UBR3: variants seen among roughly 807,000 people sequenced by gnomAD.
The protein encoded by UBR3 is ubiquitin protein ligase E3 component n-recognin 3, also known as E3 ubiquitin-protein ligase UBR3.
Under a neutral mutation model 243.2 loss-of-function variants are expected in UBR3, and 85 were observed. That is an observed-to-expected ratio of 0.35 (90% confidence interval 0.29 to 0.42). UBR3 has a LOEUF of 0.42. Among genes scored for constraint, UBR3 ranks in the 10% least tolerant of loss-of-function variants. The pLI is 1.00. For missense variants in UBR3, 1,686 were observed against 2,300.8 expected, an observed-to-expected ratio of 0.73 and a Z score of 5.47; for synonymous variants, 748 against 799.8, an observed-to-expected ratio of 0.94 and a Z score of 1.09.
In UBR3 at chr2:169,870,664, T is replaced by A. The variant is rs527545870; in HGVS notation, c.546-1572T>A. 7.0e-4 allele frequency among the ~76,000 whole-genome samples: 107 copies of A among 152,200 alleles called. 1 individual carries two copies. Among genetic ancestry groups the A allele is most frequent in the African/African-American group, 1.5e-3 (63 of 41,554 alleles). ...ACTGTCTTTTATTATTATTATTATT[T>A]TTTTTTTGAGACAGACTGTCACTTA... On this transcript the variant is annotated intron_variant, in intron 1 of 38. Transcript: ENST00000272793.
chr2:170,058,206 C>T (rs1399925318), intron 33 of UBR3, among the ~76,000 whole-genome samples: 1 of 152,088 alleles, frequency 6.6e-6, no homozygotes, highest in Non-Finnish European at 1.5e-5. Context: ...TTCCTTTCTT[C>T]ATTGAATTTC....
intron 23 of UBR3, 77 bp from the exon 24 acceptor site, chr2:169,958,361 C>T: frequency 7.7e-7 from 1 of 1,307,134 alleles, no homozygotes. Context: ...GCTTTTCATA[C>T]ATTATATACT....
At chr2:169,927,258 AG>A in intron 16 of UBR3, 61 bp from the exon 17 acceptor site, 3 of 1,410,956 alleles carry the variant, frequency 2.1e-6, no homozygotes, top group African/African-American at 2.9e-5. Context: ...AAGTGTGGTA[AG>A]TTTTTTTCTT....
At chr2:170,045,440 G>A (rs1339871668) in intron 32 of UBR3, among the ~76,000 whole-genome samples, 1 of 152,062 alleles carries the variant, frequency 6.6e-6, no homozygotes, top group African/African-American at 2.4e-5. Flanking sequence ...CTGTTCTTGA[G>A]GAGCTTCACA....
chr2:169,994,417 T>C lies in UBR3; in HGVS notation c.3879T>C (p.His1293=), dbSNP rs2089406907. The change falls in exon 26 of 39, where the codon CAT becomes CAC. Residue 1293 remains histidine (H), a synonymous_variant. Coordinates refer to ENST00000272793, the MANE Select transcript of UBR3 (RefSeq NM_172070.4). ...CTTGGGATACCTGTGCAGCCGTTCA[T>C]GATGTGAGGCTTTCATTATTACAGC... ...IYPWDTCAAV[H]DVRLSLLQRY... 6.2e-7 allele frequency: 1 copy of C among 1,614,210 alleles called. No individual in the cohort carries two copies. Among genetic ancestry groups the C allele is most frequent in the Non-Finnish European group, 8.5e-7 (1 of 1,180,020 alleles).
chr2:169,989,922 A>C (rs1032570558), intron 25 of UBR3, among the ~76,000 whole-genome samples: 2 of 152,178 alleles, frequency 1.3e-5, no homozygotes, highest in Admixed American at 6.5e-5. Flanking sequence ...AGTAGTAAGT[A>C]GCCTTGGGTC....
intron 26 of UBR3, among the ~76,000 whole-genome samples, chr2:169,998,005 C>T (rs2089560495): frequency 6.6e-6 from 1 of 152,206 alleles, no homozygotes; most frequent in African/African-American, 2.4e-5. Context: ...CCCTGTCTGT[C>T]TAGGAATTTG....
At chr2:169,878,084 G>T (rs549513906) in intron 4 of UBR3, among the ~76,000 whole-genome samples, 9 of 152,210 alleles carry the variant, frequency 5.9e-5, no homozygotes, top group Admixed American at 5.2e-4. Context: ...TGGAGGCTGG[G>T]CACGGAGGCT....
At chr2:170,047,954 T>A (rs1056212214) in intron 32 of UBR3, among the ~76,000 whole-genome samples, 3 of 151,906 alleles carry the variant, frequency 2.0e-5, no homozygotes, top group African/African-American at 7.3e-5. Context: ...TTATTTTACT[T>A]AATAATGGCC....
At chr2:169,897,234 G>C (rs1336780057) in intron 8 of UBR3, among the ~76,000 whole-genome samples, 1 of 151,952 alleles carries the variant, frequency 6.6e-6, no homozygotes, top group Non-Finnish European at 1.5e-5. Flanking sequence ...ATCAGTCTTA[G>C]ATATTTTTAC....
chr2:169,957,007 T>C (rs1327481829), intron 23 of UBR3, among the ~76,000 whole-genome samples: 1 of 152,196 alleles, frequency 6.6e-6, no homozygotes, highest in Non-Finnish European at 1.5e-5. Context: ...ACAAAGGACA[T>C]CAGTTCCTCT....
At chr2:169,926,052 C>A (rs1402996896) in intron 14 of UBR3, among the ~76,000 whole-genome samples, 1 of 152,156 alleles carries the variant, frequency 6.6e-6, no homozygotes, top group Non-Finnish European at 1.5e-5. Flanking sequence ...ATAATTCCAG[C>A]AGGCTTTGAG....
chr2:169,979,170 TATC>T (rs1319333715), intron 24 of UBR3, among the ~76,000 whole-genome samples: 1 of 152,218 alleles, frequency 6.6e-6, no homozygotes, highest in Non-Finnish European at 1.5e-5. Context: ...TCAGCATCAT[TATC>T]ATTAGGGAAA....
chr2:169,956,203 ACTCT>A (rs34139919), intron 23 of UBR3, among the ~76,000 whole-genome samples: 8,647 of 145,360 alleles, frequency 0.059, 286 homozygotes, highest in Non-Finnish European at 0.087. Context: ...GACACCTATA[ACTCT>A]CTCTCTCTCT....
chr2:169,870,186 T>G (rs569543967), intron 1 of UBR3, among the ~76,000 whole-genome samples: 19 of 152,358 alleles, frequency 1.2e-4, no homozygotes, highest in Admixed American at 1.0e-3. Flanking sequence ...TAATAGTAAA[T>G]TTTGTTCTAA....
intron 25 of UBR3, among the ~76,000 whole-genome samples, chr2:169,991,581 T>TTTA (rs1156302911): frequency 1.3e-5 from 2 of 152,024 alleles, no homozygotes; most frequent in African/African-American, 4.8e-5. Flanking sequence ...TACTCTTTAT[T>TTTA]TTATTATTAT....
At chr2:169,877,809 G>C (rs943599704) in intron 4 of UBR3, among the ~76,000 whole-genome samples, 172 bp downstream of exon 4, 1 of 152,128 alleles carries the variant, frequency 6.6e-6, no homozygotes, top group Non-Finnish European at 1.5e-5. Context: ...AGAATAGATT[G>C]ACCAAAGAAG....
At chr2:170,077,158 A>G in intron 36 of UBR3, 3 of 590,094 alleles carry the variant, frequency 5.1e-6, no homozygotes, top group Non-Finnish European at 9.9e-6. Flanking sequence ...GTATTCAGAA[A>G]CATCACAGTA....
In UBR3 at chr2:169,928,806, AT is replaced by A; in HGVS notation, c.2508del (p.Phe836LeufsTer54). On this transcript the variant is annotated frameshift_variant, in exon 18 of 39. Coordinates refer to ENST00000272793, the MANE Select transcript of UBR3 (RefSeq NM_172070.4). LOFTEE classifies it high-confidence loss of function. ...GAATCAGTTTTATCAGCTGTAGCTGATTTTAAGGCTCCTGTTTTTGAACCTG... is the reference window on the plus strand; with the variant it reads ...GAATCAGTTTTATCAGCTGTAGCTGATTTAAGGCTCCTGTTTTTGAACCTG... ...SFESVLSAVADFKAPVFEPGG... is the reference protein window; with the variant it reads ...SFESVLSAVAXFKAPVFEPGG... 1 of 1,512,494 alleles carries A rather than the reference AT, an allele frequency of 6.6e-7. No homozygotes were observed. The highest frequency in any genetic ancestry group is 8.9e-7 in the Non-Finnish European group (1 of 1,119,518). 93.7% of individuals were successfully genotyped at this position (1,512,494 alleles called of 1,614,324 possible).
Sources: gnomAD v4.1 joint callset for allele counts (sites outside exome capture counted in the v4.1 genomes callset) on GRCh38, gnomAD v4.1.1 for gene constraint, MANE v1.5 for transcripts, NCBI Gene and HGNC (gene_info 2026-07-23, HGNC 2026-07-21) for gene names.